The following PRIMA1 variants were observed in gnomAD, a reference collection of about 807,000 sequenced individuals.
The protein encoded by PRIMA1 is proline-rich membrane anchor 1.
In PRIMA1, 7 loss-of-function variants were observed where a neutral mutation model predicts 17.5. The ratio of observed to expected loss-of-function variants is 0.40; its 90% CI spans 0.23 to 0.75. The LOEUF is 0.75. PRIMA1 is among the 30% of genes least tolerant of loss of function. The pLI is 0.37. For missense variants in PRIMA1, 200 were observed against 201.8 expected (o/e 0.99, Z 0.05); for synonymous variants, 97 against 77.9 (o/e 1.25, Z -1.29).
intron 4 of PRIMA1, among the ~76,000 whole-genome samples, chr14:93,731,979 A>C (rs1444027337): frequency 1.3e-5 from 2 of 152,234 alleles, no homozygotes; most frequent in African/African-American, 4.8e-5. Flanking sequence ...ACGCACACTC[A>C]AGCCCACATC....
rs774511749 is a variant in PRIMA1 at position 93,779,220 on chromosome 14, G to A, written c.185C>T (p.Pro62Leu). Residue 62 changes from proline to leucine, a missense_variant, in exon 3 of 5, where the codon CCG becomes CTG. Coordinates refer to ENST00000393140, the MANE Select transcript of PRIMA1 (RefSeq NM_178013.4). Reference protein sequence around the residue: ...CQCRPPPPLPPPPPPPPPPRL... With the variant: ...CQCRPPPPLPLPPPPPPPPRL... ...GGGAGGTGGCGGGGGTGGGGGCGGC[G>A]GGGGCAGCGGGGGAGGGGGCCGGCA... 2.4e-6 allele frequency: 3 copies of A among 1,255,410 alleles called. No homozygotes were observed. The highest frequency in any genetic ancestry group is 3.2e-6 in the Non-Finnish European group (3 of 934,132). 77.8% of individuals were successfully genotyped at this position (1,255,410 alleles called of 1,614,324 possible).
At chr14:93,740,836 G>C (rs1412817807) in intron 3 of PRIMA1, among the ~76,000 whole-genome samples, 1 of 152,196 alleles carries the variant, frequency 6.6e-6, no homozygotes, top group Non-Finnish European at 1.5e-5. Context: ...TACTAACAGG[G>C]CCCCTGTTGA....
intron 3 of PRIMA1, among the ~76,000 whole-genome samples, chr14:93,772,061 T>A (rs1011154795): frequency 6.6e-6 from 1 of 152,230 alleles, no homozygotes; most frequent in Non-Finnish European, 1.5e-5. Context: ...GAGGATTAAA[T>A]GAGATGAGGA....
At chr14:93,759,947 C>A (rs560016056) in intron 3 of PRIMA1, among the ~76,000 whole-genome samples, 54 of 152,366 alleles carry the variant, frequency 3.5e-4, no homozygotes, top group Non-Finnish European at 6.3e-4. Flanking sequence ...TTACTGGGCT[C>A]CTCCTCCAGG....
Position 93,779,099 on chromosome 14 carries a change from C to T in PRIMA1, c.229+77G>A, listed in dbSNP as rs1304562165. ...ATTACCAAGGAGGCAGGGCTGCCCT[C>T]GGCCACACTCAGTGGATCTTCGTGG... On this transcript the variant is annotated intron_variant, in intron 3 of 4. Coordinates refer to ENST00000393140, the MANE Select transcript of PRIMA1 (RefSeq NM_178013.4). The T allele has an allele frequency of 2.0e-5, 22 of 1,085,442 alleles. No homozygotes were observed. The East Asian group carries it at 3.2e-4, about 16-fold the overall frequency. 67.2% of individuals were successfully genotyped at this position (1,085,442 alleles called of 1,614,324 possible).
At chr14:93,754,217 C>A (rs932547316) in intron 3 of PRIMA1, among the ~76,000 whole-genome samples, 1 of 152,194 alleles carries the variant, frequency 6.6e-6, no homozygotes, top group Non-Finnish European at 1.5e-5. Context: ...GTGTCACTGT[C>A]CCCCTTGACT....
intron 3 of PRIMA1, among the ~76,000 whole-genome samples, chr14:93,769,786 A>G (rs796617529): frequency 5.3e-5 from 8 of 152,328 alleles, no homozygotes; most frequent in African/African-American, 1.9e-4. Flanking sequence ...AATTCATTTG[A>G]TGATGATGAA....
At chr14:93,723,412 CTGAG>C (rs1428294077) in intron 4 of PRIMA1, among the ~76,000 whole-genome samples, 2 of 152,262 alleles carry the variant, frequency 1.3e-5, no homozygotes, top group East Asian at 1.9e-4. Context: ...GGATAAAGCC[CTGAG>C]TGAGTGAGTT....
chr14:93,787,523 A>G (rs962286312), intron 2 of PRIMA1, 103 bp downstream of exon 2: 51 of 1,488,170 alleles, frequency 3.4e-5, no homozygotes, highest in Non-Finnish European at 4.1e-5. Flanking sequence ...CCGAGAACCA[A>G]TCAGTGGGGT....
chr14:93,735,024 C>G (rs1374956159), intron 4 of PRIMA1, among the ~76,000 whole-genome samples: 2 of 152,182 alleles, frequency 1.3e-5, no homozygotes, highest in Non-Finnish European at 2.9e-5. Flanking sequence ...TTCTCTTTCC[C>G]TCCTCCGGTA....
intron 3 of PRIMA1, among the ~76,000 whole-genome samples, chr14:93,758,594 C>CAAAAAAAAAAAAAA (rs34329291): frequency 3.7e-5 from 3 of 81,338 alleles, no homozygotes; most frequent in African/African-American, 1.5e-4. Context: ...GCAAGACTCT[C>CAAAAAAAAAAAAAA]AAAAAAAAAA....
intron 3 of PRIMA1, among the ~76,000 whole-genome samples, chr14:93,757,393 C>G (rs984713364): frequency 6.6e-6 from 1 of 152,264 alleles, no homozygotes; most frequent in Non-Finnish European, 1.5e-5. Flanking sequence ...CACGTCAGAG[C>G]CGGCTAATCC....
In PRIMA1 at chr14:93,726,799, CAT is replaced by C. The variant is rs746019990; in HGVS notation, c.360-5255_360-5254del. ...CACACAAACAATATACACATACACACATGTACTTCAACACACACACAATATAC... is the reference window on the plus strand; with the variant it reads ...CACACAAACAATATACACATACACACGTACTTCAACACACACACAATATAC... On this transcript the variant is annotated intron_variant, in intron 4 of 4. Transcript: ENST00000393140. This position sits in a 1 kb window ranked among gnomAD's most constrained non-coding sequence, Gnocchi z 4.2. Among the ~76,000 whole-genome samples the C allele has an allele frequency of 5.9e-5, 9 of 152,206 alleles. No individual in the cohort carries two copies. The highest frequency in any genetic ancestry group is 1.2e-4 in the African/African-American group (5 of 41,496).
At chr14:93,748,336 C>T (rs369528936) in intron 3 of PRIMA1, among the ~76,000 whole-genome samples, 6 of 152,104 alleles carry the variant, frequency 3.9e-5, no homozygotes, top group East Asian at 1.9e-4. Flanking sequence ...CAACCTGTGA[C>T]GGCTGCATAG....
chr14:93,730,875 G>T (rs1462714693), intron 4 of PRIMA1, among the ~76,000 whole-genome samples: 1 of 152,202 alleles, frequency 6.6e-6, no homozygotes, highest in Non-Finnish European at 1.5e-5. Flanking sequence ...TGGAGAGGGA[G>T]GGAGAGAGCT....
At chr14:93,736,182 G>T (rs1308158677) in intron 4 of PRIMA1, among the ~76,000 whole-genome samples, 5 of 152,246 alleles carry the variant, frequency 3.3e-5, no homozygotes, top group African/African-American at 1.2e-4. Context: ...CAACACTGGA[G>T]TCGAACTCGT....
chr14:93,728,816 C>T (rs993652863), intron 4 of PRIMA1, among the ~76,000 whole-genome samples: 2 of 152,212 alleles, frequency 1.3e-5, no homozygotes, highest in African/African-American at 4.8e-5. Context: ...GGGCTCCATG[C>T]GCCCCACACC....
At chr14:93,754,854 G>A (rs755379181) in intron 3 of PRIMA1, among the ~76,000 whole-genome samples, 2 of 152,150 alleles carry the variant, frequency 1.3e-5, no homozygotes, top group Non-Finnish European at 2.9e-5. Flanking sequence ...GGGTCTCAGA[G>A]GTGAGGGCTG....
rs1885310371 is a variant in PRIMA1 at position 93,779,210 on chromosome 14, T to TGGGGGCGGC, written c.186_194dup (p.Pro68_Pro70dup). 5.8e-6 allele frequency: 2 copies of TGGGGGCGGC among 343,202 alleles called. No individual in the cohort carries two copies. The highest frequency in any genetic ancestry group is 1.0e-3 in the Middle Eastern group (1 of 986). 21.3% of individuals were successfully genotyped at this position (343,202 alleles called of 1,614,324 possible). A position where few individuals can be genotyped will look rare whatever the true frequency, so the allele number is the denominator to read the frequency against. ...AGAGGAGTCTGGGAGGTGGCGGGGG[T>TGGGGGCGGC]GGGGGCGGCGGGGGCAGCGGGGGAG... On this transcript the variant is annotated inframe_insertion, in exon 3 of 5. Coordinates refer to ENST00000393140, the MANE Select transcript of PRIMA1 (RefSeq NM_178013.4).
Sources: gnomAD v4.1 joint callset for allele counts (sites outside exome capture counted in the v4.1 genomes callset) on GRCh38, gnomAD v4.1.1 for gene constraint, Gnocchi (gnomAD v3.1) non-coding constraint, MANE v1.5 for transcripts, NCBI Gene and HGNC (gene_info 2026-07-23, HGNC 2026-07-21) for gene names.